The following DNM3 variants were observed in gnomAD, a reference collection of about 807,000 sequenced individuals.
DNM3 encodes dynamin 3, also known as dynamin-3.
In DNM3, 47 loss-of-function variants were observed where a neutral mutation model predicts 101.6. The ratio of observed to expected loss-of-function variants is 0.46; its 90% CI spans 0.37 to 0.59. The LOEUF is 0.59. Ranked by LOEUF, DNM3 falls within the 20% of genes least tolerant of loss-of-function variation. The probability of loss-of-function intolerance (pLI) is 0.00; values close to 1 mark genes in which losing one functional copy is unlikely to be tolerated. For synonymous variants in DNM3, 385 were observed against 387.9 expected, an observed-to-expected ratio of 0.99 and a Z score of 0.09; for missense variants, 849 against 1,085.7, an observed-to-expected ratio of 0.78 and a Z score of 3.06.
At chr1:171,933,338 A>G (rs2041172664) in intron 2 of DNM3, among the ~76,000 whole-genome samples, 1 of 152,232 alleles carries the variant, frequency 6.6e-6, no homozygotes, top group African/African-American at 2.4e-5. Context: ...GGGACATAAT[A>G]TAAGTATGAC....
intron 12 of DNM3, among the ~76,000 whole-genome samples, chr1:172,084,584 G>T (rs1041795709): frequency 6.6e-6 from 1 of 152,018 alleles, no homozygotes; most frequent in African/African-American, 2.4e-5. Context: ...CACTTTGAGG[G>T]GTTGTGGTAT....
intron 13 of DNM3, among the ~76,000 whole-genome samples, chr1:172,127,779 G>GAGAA (rs1369158760): frequency 6.6e-6 from 1 of 152,102 alleles, no homozygotes; most frequent in Admixed American, 6.5e-5. Flanking sequence ...AAAGGAAAGA[G>GAGAA]AGAAAGAAAG....
At position 171,983,381 on chromosome 1, in the gene DNM3, C is replaced by T. The variant is rs879700830; in HGVS notation, c.236-4275C>T. 1.1e-3 allele frequency among the ~76,000 whole-genome samples: 95 copies of T among 84,496 alleles called. 1 individual carries two copies. Among genetic ancestry groups the T allele is most frequent in the African/African-American group, 3.3e-3 (42 of 12,594 alleles). The allele number at this position is 84,496 out of a possible 152,430, so 55.4% of individuals were successfully genotyped here. ...GCTAGGGTGGGAGGATCACTTGAGCCCAGGAGGTTGAGGCTGCCTTAAACC... is the reference window on the plus strand; with the variant it reads ...GCTAGGGTGGGAGGATCACTTGAGCTCAGGAGGTTGAGGCTGCCTTAAACC... On this transcript the variant is annotated intron_variant, in intron 2 of 20. Transcript: ENST00000627582.
Position 171,918,505 on chromosome 1 carries a change from G to A in DNM3, c.162-3243G>A, listed in dbSNP as rs537524563. On this transcript the variant is annotated intron_variant, in intron 1 of 20. Transcript: ENST00000627582. ...ACATATCTTTAGGATGTTCAGATTA[G>A]GTGCTCATTCTTCAGAAGAGAGAAA... 2.0e-5 allele frequency among the ~76,000 whole-genome samples: 3 copies of A among 152,252 alleles called. No individual in the cohort carries two copies. The East Asian group carries it at 5.8e-4, about 29-fold the overall frequency.
chr1:172,331,492 G>T (rs1222162804), intron 17 of DNM3, among the ~76,000 whole-genome samples: 1 of 152,078 alleles, frequency 6.6e-6, no homozygotes, highest in Non-Finnish European at 1.5e-5. Flanking sequence ...CAGAATTAGA[G>T]TCCCACTAAG....
At chr1:172,401,048 C>T (rs2070447586) in intron 20 of DNM3, among the ~76,000 whole-genome samples, 1 of 152,158 alleles carries the variant, frequency 6.6e-6, no homozygotes, top group Non-Finnish European at 1.5e-5. Context: ...TTCTTCAGGG[C>T]AGTGACTCTT....
intron 4 of DNM3, among the ~76,000 whole-genome samples, chr1:172,029,338 G>A (rs914462711): frequency 4.8e-5 from 3 of 61,870 alleles, no homozygotes; most frequent in East Asian, 2.9e-3. Context: ...ATGCAGAAAG[G>A]CCTACAAAAT....
At chr1:172,123,497 T>A (rs1203644629) in intron 13 of DNM3, among the ~76,000 whole-genome samples, 1 of 152,212 alleles carries the variant, frequency 6.6e-6, no homozygotes, top group African/African-American at 2.4e-5. Context: ...GACTGACTGA[T>A]AAGTGTCTTA....
intron 20 of DNM3, chr1:172,418,212 T>C (rs1030974356): frequency 1.7e-6 from 2 of 1,195,790 alleles, no homozygotes; most frequent in Non-Finnish European, 2.2e-6. Flanking sequence ...AATTTAAACA[T>C]TGTTTTCTTC....
chr1:172,312,858 C>T (rs1035032657), intron 16 of DNM3, among the ~76,000 whole-genome samples: 2 of 152,144 alleles, frequency 1.3e-5, no homozygotes, highest in African/African-American at 4.8e-5. Context: ...TACTATTTTT[C>T]CATATGGATT....
chr1:172,240,674 GGA>G (rs2061715932), intron 14 of DNM3, among the ~76,000 whole-genome samples: 1 of 152,122 alleles, frequency 6.6e-6, no homozygotes, highest in African/African-American at 2.4e-5. Flanking sequence ...TTCAGTTTGT[GGA>G]GTGTCTTAAA....
chr1:172,379,299 G>A, intron 18 of DNM3, 117 bp downstream of exon 18: 1 of 936,880 alleles, frequency 1.1e-6, no homozygotes, highest in South Asian at 1.9e-5. Context: ...TATTACCCAG[G>A]TTCATCATTT....
intron 15 of DNM3, among the ~76,000 whole-genome samples, chr1:172,298,912 A>G (rs1419486986): frequency 6.6e-6 from 1 of 152,134 alleles, no homozygotes; most frequent in Non-Finnish European, 1.5e-5. Context: ...AGAAAGAAGG[A>G]TAAAAAGAAA....
chr1:172,386,460 T>C (rs1457446498), intron 18 of DNM3, among the ~76,000 whole-genome samples: 2 of 152,236 alleles, frequency 1.3e-5, no homozygotes, highest in African/African-American at 4.8e-5. Context: ...TGTTTTTATA[T>C]ATTAGCTAAC....
chr1:172,019,660 C>T (rs1459962414), intron 4 of DNM3, among the ~76,000 whole-genome samples: 4 of 132,924 alleles, frequency 3.0e-5, no homozygotes, highest in Non-Finnish European at 6.0e-5. Flanking sequence ...CACCCTACCC[C>T]CTAGTATTTT....
chr1:172,245,528 A>G (rs1444524617), intron 14 of DNM3, among the ~76,000 whole-genome samples: 2 of 152,228 alleles, frequency 1.3e-5, no homozygotes. Flanking sequence ...AGAGCACCAC[A>G]GGCTTGACTG....
At chr1:172,164,761 C>T (rs1391933718) in intron 14 of DNM3, among the ~76,000 whole-genome samples, 1 of 152,016 alleles carries the variant, frequency 6.6e-6, no homozygotes, top group Admixed American at 6.6e-5. Context: ...GCCCAATCTA[C>T]CAAACCATAG....
Position 172,410,283 on chromosome 1 carries a change from G to A in DNM3, c.*2442G>A, listed in dbSNP as rs949830674. On this transcript the variant is annotated 3_prime_UTR_variant, in exon 21 of 21. Coordinates refer to ENST00000627582, the MANE Select transcript of DNM3 (RefSeq NM_015569.5). ...AACTCTAGTATGTGCATAGTTTGAC[G>A]TGCAGCATGCACACCAGGCCTTAAG... is the stretch of plus-strand genomic sequence containing the variant. 1.4e-5 allele frequency: 14 copies of A among 985,318 alleles called. No individual in the cohort carries two copies. The highest frequency in any genetic ancestry group is 5.2e-5 in the African/African-American group (3 of 57,352). The allele number at this position is 985,318 out of a possible 1,614,324, so 61.0% of individuals were successfully genotyped here. A position where few individuals can be genotyped will look rare whatever the true frequency, so the allele number is the denominator to read the frequency against.
chr1:172,264,941 T>A (rs16844148), intron 15 of DNM3, among the ~76,000 whole-genome samples: 6,587 of 152,266 alleles, frequency 0.043, 434 homozygotes, highest in African/African-American at 0.14. Context: ...AGACTTTAAC[T>A]GGAATTGCTC....
Sources: gnomAD v4.1 joint callset for allele counts (sites outside exome capture counted in the v4.1 genomes callset) on GRCh38, gnomAD v4.1.1 for gene constraint, MANE v1.5 for transcripts, NCBI Gene and HGNC (gene_info 2026-07-23, HGNC 2026-07-21) for gene names.